CTNNA3: variants seen among roughly 807,000 people sequenced by gnomAD.
The protein encoded by CTNNA3 is catenin alpha 3.
A neutral mutation model predicts 95.7 loss-of-function variants in CTNNA3; 76 were observed. That is an observed-to-expected ratio of 0.79 (90% CI 0.66 to 0.96). The LOEUF (loss-of-function observed/expected upper bound fraction) is 0.96, where lower values mean the gene tolerates loss of function less well. CTNNA3 is among the 40% of genes least tolerant of loss of function. The pLI, the probability that CTNNA3 is intolerant of heterozygous loss-of-function variation, is 0.00. For missense variants in CTNNA3, 1,191 were observed against 1,089.8 expected (o/e 1.09, Z -1.31); for synonymous variants, 431 against 374.4 (o/e 1.15, Z -1.74).
At chr10:67,724,695 T>A (rs561751994) in intron 1 of CTNNA3, among the ~76,000 whole-genome samples, 1 of 152,294 alleles carries the variant, frequency 6.6e-6, no homozygotes, top group South Asian at 2.1e-4. Context: ...GTTTTCAGCT[T>A]CCCTCTTCAC....
At chr10:66,607,410 C>T (rs1844164332) in intron 10 of CTNNA3, among the ~76,000 whole-genome samples, 2 of 145,894 alleles carry the variant, frequency 1.4e-5, no homozygotes, top group Non-Finnish European at 3.0e-5. Context: ...GGAGAATGGA[C>T]TCCTTCTAAC....
intron 7 of CTNNA3, among the ~76,000 whole-genome samples, chr10:66,843,106 C>T (rs773855998): frequency 2.6e-5 from 4 of 152,036 alleles, no homozygotes; most frequent in Non-Finnish European, 5.9e-5. Flanking sequence ...AGCAAAAGGA[C>T]GTGGATGTAG....
At chr10:66,260,124 C>T (rs1394192655) in intron 13 of CTNNA3, among the ~76,000 whole-genome samples, 3 of 152,120 alleles carry the variant, frequency 2.0e-5, no homozygotes, top group Admixed American at 1.3e-4. Context: ...GCCTAAAGTA[C>T]TGATCCACCA....
intron 15 of CTNNA3, among the ~76,000 whole-genome samples, chr10:66,003,463 C>T (rs16922273): frequency 0.11 from 16,358 of 151,998 alleles, 1,106 homozygotes; most frequent in East Asian, 0.2. Context: ...TTACCCTTTA[C>T]CTGTTAGTGT....
chr10:67,446,545 G>T (rs1417699398), intron 5 of CTNNA3, among the ~76,000 whole-genome samples: 1 of 152,098 alleles, frequency 6.6e-6, no homozygotes, highest in Non-Finnish European at 1.5e-5. Context: ...AATTTTCCCT[G>T]TTGAAAATAA....
At chr10:66,178,403 A>ATATATATATATG (rs2085840544) in intron 13 of CTNNA3, among the ~76,000 whole-genome samples, 1 of 17,398 alleles carries the variant, frequency 5.7e-5, no homozygotes, top group Non-Finnish European at 9.7e-5. Context: ...GAAAGTGTAT[A>ATATATATATATG]TATATATATA....
chr10:66,451,547 A>C (rs2093465105), intron 11 of CTNNA3, among the ~76,000 whole-genome samples: 1 of 152,188 alleles, frequency 6.6e-6, no homozygotes, highest in Admixed American at 6.5e-5. Flanking sequence ...ACATAAGGGT[A>C]ATTAATGAAA....
At chr10:66,811,503 C>T (rs1055029219) in intron 7 of CTNNA3, among the ~76,000 whole-genome samples, 15 of 152,160 alleles carry the variant, frequency 9.9e-5, no homozygotes, top group African/African-American at 3.1e-4. Flanking sequence ...TTAGCTTCCC[C>T]TAGTGGGTTT....
intron 10 of CTNNA3, among the ~76,000 whole-genome samples, chr10:66,570,927 A>G (rs1168764583): frequency 6.6e-6 from 1 of 152,152 alleles, no homozygotes; most frequent in Non-Finnish European, 1.5e-5. Context: ...GGAGCTCTCA[A>G]AAAAATGTCC....
At chr10:67,609,677 G>A (rs1243984383) in intron 2 of CTNNA3, among the ~76,000 whole-genome samples, 2 of 152,128 alleles carry the variant, frequency 1.3e-5, no homozygotes, top group Non-Finnish European at 2.9e-5. Flanking sequence ...GGTCAAATAA[G>A]GTAAAGTATT....
At chr10:67,744,996 A>G (rs926903988) in intron 1 of CTNNA3, among the ~76,000 whole-genome samples, 7 of 152,106 alleles carry the variant, frequency 4.6e-5, no homozygotes, top group African/African-American at 1.7e-4. Flanking sequence ...GATCATTAAA[A>G]AGTCAGGAAA....
chr10:67,286,744 T>C (rs772228827), intron 5 of CTNNA3, among the ~76,000 whole-genome samples: 1 of 152,224 alleles, frequency 6.6e-6, no homozygotes, highest in Non-Finnish European at 1.5e-5. Flanking sequence ...CAAGTTTTCA[T>C]GTCTGTAAAA....
At position 66,117,867 on chromosome 10, in the gene CTNNA3, C is replaced by T. The variant is rs545467066; in HGVS notation, c.1885-14618G>A. ...GAGCTATCCTAAGTAAGCCATAACA[C>T]CACGGAGCTGGTGTGTGTGGATATA... On this transcript the variant is annotated intron_variant, in intron 13 of 17. Transcript: ENST00000433211. Among the ~76,000 whole-genome samples the T allele has an allele frequency of 1.9e-3, 294 of 152,272 alleles. 1 individual carries two copies. The highest frequency in any genetic ancestry group is 3.2e-3 in the Non-Finnish European group (218 of 68,010).
chr10:67,100,063 T>C (rs527287265), intron 7 of CTNNA3, among the ~76,000 whole-genome samples: 4 of 151,894 alleles, frequency 2.6e-5, no homozygotes, highest in African/African-American at 4.8e-5. Context: ...CAAATTAACA[T>C]ATTTGTTAAT....
At chr10:67,310,493 A>ACAATT (rs1416211970) in intron 5 of CTNNA3, among the ~76,000 whole-genome samples, 3 of 152,210 alleles carry the variant, frequency 2.0e-5, no homozygotes, top group African/African-American at 7.2e-5. Flanking sequence ...AAATGTGCTC[A>ACAATT]CAATTTTTAA....
intron 5 of CTNNA3, among the ~76,000 whole-genome samples, chr10:67,356,268 C>T (rs1842803238): frequency 6.6e-6 from 1 of 152,028 alleles, no homozygotes; most frequent in South Asian, 2.1e-4. Flanking sequence ...CAAATGATGG[C>T]TATTTTCTCT....
At chr10:66,839,512 C>G (rs1193112800) in intron 7 of CTNNA3, among the ~76,000 whole-genome samples, 6 of 152,014 alleles carry the variant, frequency 3.9e-5, no homozygotes, top group Admixed American at 3.9e-4. Flanking sequence ...AGCAAAAAGA[C>G]ACAAAAACTT....
intron 7 of CTNNA3, among the ~76,000 whole-genome samples, chr10:67,023,686 C>T (rs979547039): frequency 1.6e-4 from 24 of 152,112 alleles, no homozygotes; most frequent in African/African-American, 4.8e-4. Context: ...CAATATGTAT[C>T]GATCTATTTC....
chr10:66,435,953 A>C (rs1298033385), intron 11 of CTNNA3, among the ~76,000 whole-genome samples: 1 of 152,216 alleles, frequency 6.6e-6, no homozygotes, highest in Non-Finnish European at 1.5e-5. Flanking sequence ...ATTCAGGAGC[A>C]GGTTGTTCAG....
Sources: allele counts gnomAD v4.1 joint callset (sites outside exome capture counted in the v4.1 genomes callset), GRCh38; gene constraint gnomAD v4.1.1; transcripts MANE v1.5; gene names NCBI Gene and HGNC (gene_info 2026-07-23, HGNC 2026-07-21).